Variants in PCDH15 observed in about 807,000 individuals in gnomAD.
PCDH15 encodes the protein protocadherin-15.
PCDH15 carries 129 observed loss-of-function variants against 178.5 expected under a neutral mutation model. The ratio of observed to expected loss-of-function variants is 0.72; its 90% CI spans 0.63 to 0.84. The LOEUF is 0.84. Among genes scored for constraint, PCDH15 ranks in the 40% least tolerant of loss-of-function variants. PCDH15 has a pLI of 0.00. For missense variants in PCDH15, 2,230 were observed against 2,099.9 expected (o/e 1.06, Z -1.21); for synonymous variants, 800 against 732.0 (o/e 1.09, Z -1.50).
At chr10:54,760,031 A>G (rs970341343) in intron 1 of PCDH15, among the ~76,000 whole-genome samples, 1 of 152,224 alleles carries the variant, frequency 6.6e-6, no homozygotes, top group African/African-American at 2.4e-5. Flanking sequence ...CGATATAAAC[A>G]GATACTTGGC....
At chr10:55,096,111 T>C (rs1842444548) in intron 2 of PCDH15, among the ~76,000 whole-genome samples, 1 of 152,092 alleles carries the variant, frequency 6.6e-6, no homozygotes, top group Admixed American at 6.6e-5. Flanking sequence ...ATACAATCCT[T>C]GGGTCTGATT....
chr10:53,807,175 A>T (rs773802665), intron 37 of PCDH15, 45 bp from the exon 38 acceptor site: 1 of 1,453,164 alleles, frequency 6.9e-7, no homozygotes, highest in Non-Finnish European at 9.2e-7. Context: ...CAAATAAATT[A>T]AAAAGGCAAT....
At chr10:55,110,842 A>G (rs373455023) in intron 2 of PCDH15, among the ~76,000 whole-genome samples, 2 of 152,208 alleles carry the variant, frequency 1.3e-5, no homozygotes, top group East Asian at 3.9e-4. Context: ...CAAACAAAAT[A>G]TTGTTAGAAA....
intron 1 of PCDH15, among the ~76,000 whole-genome samples, chr10:55,315,122 CTTAT>C (rs1188026377): frequency 6.6e-6 from 1 of 152,028 alleles, no homozygotes; most frequent in South Asian, 2.1e-4. Flanking sequence ...TGTGAACATA[CTTAT>C]TTGTCATATA....
intron 3 of PCDH15, among the ~76,000 whole-genome samples, chr10:54,444,037 A>G (rs1233937662): frequency 6.6e-6 from 1 of 151,718 alleles, no homozygotes; most frequent in East Asian, 1.9e-4. Flanking sequence ...AGAGAAAAAA[A>G]ATCTTCATTC....
chr10:54,531,759 T>C (rs2083950854), intron 2 of PCDH15, among the ~76,000 whole-genome samples: 1 of 152,188 alleles, frequency 6.6e-6, no homozygotes, highest in Admixed American at 6.5e-5. Flanking sequence ...TTCCTACCCA[T>C]ATTTATCTTC....
intron 2 of PCDH15, chr10:54,600,099 A>C: frequency 9.9e-7 from 1 of 1,006,718 alleles, no homozygotes; most frequent in South Asian, 1.4e-5. Context: ...AGGTAGAGAA[A>C]AAGGAAGAGA....
intron 3 of PCDH15, among the ~76,000 whole-genome samples, chr10:54,871,139 G>A (rs117686143): frequency 4.6e-5 from 7 of 152,076 alleles, no homozygotes; most frequent in Admixed American, 2.0e-4. Flanking sequence ...ACAGAGCATA[G>A]GGATTCCTGA....
At chr10:54,510,293 C>A (rs893545824) in intron 3 of PCDH15, among the ~76,000 whole-genome samples, 1 of 152,096 alleles carries the variant, frequency 6.6e-6, no homozygotes, top group Non-Finnish European at 1.5e-5. Flanking sequence ...AGAGTGATAG[C>A]CAAAGAACAT....
intron 2 of PCDH15, among the ~76,000 whole-genome samples, chr10:55,103,633 T>C (rs574206792): frequency 6.6e-6 from 1 of 152,158 alleles, no homozygotes; most frequent in Non-Finnish European, 1.5e-5. Flanking sequence ...GGTGTAATCC[T>C]TCCTGATTTT....
intron 18 of PCDH15, among the ~76,000 whole-genome samples, chr10:54,028,784 G>A (rs2093200682): frequency 2.4e-5 from 1 of 42,022 alleles, no homozygotes; most frequent in African/African-American, 9.5e-5. Flanking sequence ...TCTGGGGACT[G>A]TTGTGGGGTG....
At chr10:55,411,779 A>G (rs977986611) in intron 2 of PCDH15, among the ~76,000 whole-genome samples, 8 of 152,112 alleles carry the variant, frequency 5.3e-5, no homozygotes, top group African/African-American at 1.7e-4. Flanking sequence ...AATTCTGTAA[A>G]TAAGTGATGA....
chr10:54,068,753 T>A (rs886866236), intron 17 of PCDH15, among the ~76,000 whole-genome samples: 1 of 152,144 alleles, frequency 6.6e-6, no homozygotes, highest in Non-Finnish European at 1.5e-5. Flanking sequence ...GCTGATTAAT[T>A]TCTGTTTTTT....
At chr10:54,130,041 T>C (rs113229424) in intron 15 of PCDH15, among the ~76,000 whole-genome samples, 3 of 152,142 alleles carry the variant, frequency 2.0e-5, no homozygotes, top group Admixed American at 1.3e-4. Context: ...AGAAAAGAAA[T>C]ACTTGAATAT....
At chr10:54,544,325 G>T (rs542428065) in intron 2 of PCDH15, among the ~76,000 whole-genome samples, 63 of 152,232 alleles carry the variant, frequency 4.1e-4, no homozygotes, top group African/African-American at 1.4e-3. Flanking sequence ...GAGCTTGGAA[G>T]TTTTCTTAAG....
chr10:54,441,461 C>G (rs574320781), intron 3 of PCDH15, among the ~76,000 whole-genome samples: 21 of 151,968 alleles, frequency 1.4e-4, no homozygotes, highest in African/African-American at 5.1e-4. Context: ...TACTGATCTG[C>G]AACTTTCTAA....
intron 2 of PCDH15, among the ~76,000 whole-genome samples, chr10:55,435,294 C>T (rs889649113): frequency 1.3e-5 from 2 of 152,018 alleles, no homozygotes; most frequent in Non-Finnish European, 2.9e-5. Context: ...GAGGGTGTGG[C>T]ATTACAAGAT....
chr10:55,425,964 A>G (rs1838745515), intron 2 of PCDH15, among the ~76,000 whole-genome samples: 1 of 152,218 alleles, frequency 6.6e-6, no homozygotes, highest in Admixed American at 6.5e-5. Context: ...GAAATAAATA[A>G]AATGGTATAG....
chr10:54,876,132 T>A (rs906965883), intron 3 of PCDH15, among the ~76,000 whole-genome samples: 2 of 152,132 alleles, frequency 1.3e-5, no homozygotes, highest in African/African-American at 2.4e-5. Flanking sequence ...ACTGGTTAAA[T>A]CTACTCTGCC....
Sources: gnomAD v4.1 joint callset for allele counts (sites outside exome capture counted in the v4.1 genomes callset) on GRCh38, gnomAD v4.1.1 for gene constraint, MANE v1.5 for transcripts, NCBI Gene and HGNC (gene_info 2026-07-23, HGNC 2026-07-21) for gene names.